USH2A: variants seen among roughly 807,000 people sequenced by gnomAD.
USH2A encodes the protein Usher syndrome 2A (autosomal recessive, mild).
Under a neutral mutation model 538.9 loss-of-function variants are expected in USH2A, and 443 were observed. The ratio of observed to expected loss-of-function variants is 0.82; its 90% CI spans 0.76 to 0.89. The LOEUF (loss-of-function observed/expected upper bound fraction) is 0.89, where lower values mean the gene tolerates loss of function less well. Among genes scored for constraint, USH2A ranks in the 40% least tolerant of loss-of-function variants. The pLI is 0.00. For missense variants in USH2A, 6,633 were observed against 6,324.8 expected, an observed-to-expected ratio of 1.05 and a Z score of -1.65; for synonymous variants, 2,413 against 2,273.5, an observed-to-expected ratio of 1.06 and a Z score of -1.75.
At chr1:216,143,867 G>A (rs1413803265) in intron 21 of USH2A, among the ~76,000 whole-genome samples, 1 of 152,116 alleles carries the variant, frequency 6.6e-6, no homozygotes, top group East Asian at 1.9e-4. Flanking sequence ...GACATGGCAA[G>A]GTCAGTGACT....
intron 32 of USH2A, among the ~76,000 whole-genome samples, chr1:216,011,516 T>C (rs902658246): frequency 1.3e-5 from 2 of 152,038 alleles, no homozygotes; most frequent in African/African-American, 2.4e-5. Context: ...AAAACAACAA[T>C]TCCTTTCCTT....
At chr1:215,969,555 T>C (rs991038862) in intron 36 of USH2A, among the ~76,000 whole-genome samples, 3 of 152,018 alleles carry the variant, frequency 2.0e-5, no homozygotes, top group Non-Finnish European at 2.9e-5. Flanking sequence ...TTTCTTTTTT[T>C]TTTTTTGAAT....
intron 46 of USH2A, among the ~76,000 whole-genome samples, chr1:215,839,264 T>C (rs1388920290): frequency 1.1e-4 from 17 of 152,214 alleles, no homozygotes; most frequent in Admixed American, 1.1e-3. Context: ...ACTTTATACA[T>C]ATTGGAAAAA....
Position 215,773,480 on chromosome 1 carries a change from C to T in USH2A, c.10939+6363G>A, listed in dbSNP as rs541736977. On this transcript the variant is annotated intron_variant, in intron 55 of 71. Transcript: ENST00000307340. Reference sequence around the variant, plus strand: ...CTGCCTCCCCACTTTACGGATGTCTCTCTGTCTCTCTGTCTCTCTCTCTCT... The same window carrying T: ...CTGCCTCCCCACTTTACGGATGTCTTTCTGTCTCTCTGTCTCTCTCTCTCT... Among the ~76,000 whole-genome samples the T allele has an allele frequency of 1.6e-3, 190 of 120,546 alleles. 3 individuals are homozygous for T. The highest frequency in any genetic ancestry group is 7.9e-3 in the African/African-American group (187 of 23,628). The allele number at this position is 120,546 out of a possible 152,430, so 79.1% of individuals were successfully genotyped here.
intron 34 of USH2A, 110 bp downstream of exon 34, chr1:215,998,777 A>T: frequency 1.6e-6 from 2 of 1,242,584 alleles, no homozygotes; most frequent in Non-Finnish European, 2.3e-6. Context: ...CAATACATGA[A>T]GATTTTGACT....
Position 215,964,759 on chromosome 1 carries a change from A to T in USH2A, c.7120+558T>A, listed in dbSNP as rs550437768. 3.2e-4 allele frequency among the ~76,000 whole-genome samples: 49 copies of T among 152,252 alleles called. 1 individual carries two copies. The South Asian group carries it at 0.01, about 32-fold the overall frequency. ...AAACATCATGCTACCATAGCACCTAACTTATTGAATCAGATAGTTTTTGAA... is the reference window on the plus strand; with the variant it reads ...AAACATCATGCTACCATAGCACCTATCTTATTGAATCAGATAGTTTTTGAA... On this transcript the variant is annotated intron_variant, in intron 37 of 71. Transcript: ENST00000307340.
intron 22 of USH2A, among the ~76,000 whole-genome samples, chr1:216,095,408 A>G (rs1393352159): frequency 6.6e-6 from 1 of 152,184 alleles, no homozygotes; most frequent in Non-Finnish European, 1.5e-5. Context: ...TAATTGAATC[A>G]ACTTCAGCTG....
At chr1:215,752,012 G>C (rs1660635742) in intron 58 of USH2A, among the ~76,000 whole-genome samples, 1 of 152,064 alleles carries the variant, frequency 6.6e-6, no homozygotes, top group Non-Finnish European at 1.5e-5. Context: ...CATAAGACAA[G>C]ATGCAGTCTT....
At chr1:216,053,000 C>T (rs930888549) in intron 30 of USH2A, among the ~76,000 whole-genome samples, 9 of 152,040 alleles carry the variant, frequency 5.9e-5, no homozygotes, top group African/African-American at 2.2e-4. Context: ...ATATCATCAT[C>T]AAAAAGCATT....
rs1471030252 is a variant in USH2A at position 215,759,716 on chromosome 1, G to C, written c.11175C>G (p.Phe3725Leu). The change falls in exon 57 of 72, where the codon TTC becomes TTG. Residue 3725 changes from phenylalanine to leucine, a missense_variant. Transcript: ENST00000307340. ...YQLSRNGNLL[F>L]LGGSEEQNFT... Reference sequence around the variant, plus strand: ...AATTCTGCTCCTCACTGCCACCCAGGAAAAGCAAGTTTCCATTACGACTCA... The same window carrying C: ...AATTCTGCTCCTCACTGCCACCCAGCAAAAGCAAGTTTCCATTACGACTCA... 6.2e-7 allele frequency: 1 copy of C among 1,614,012 alleles called. No homozygotes were observed. Among genetic ancestry groups the C allele is most frequent in the Non-Finnish European group, 8.5e-7 (1 of 1,179,946 alleles).
At chr1:215,838,135 A>C (rs763208763) in intron 46 of USH2A, 32 bp from the exon 47 acceptor site, 5 of 1,549,798 alleles carry the variant, frequency 3.2e-6, no homozygotes, top group Middle Eastern at 1.7e-4. Flanking sequence ...AAATAAATGC[A>C]ACCATTTTTG....
intron 21 of USH2A, among the ~76,000 whole-genome samples, chr1:216,120,908 A>G (rs2033124814): frequency 1.3e-5 from 2 of 151,866 alleles, no homozygotes. Flanking sequence ...ATTACATGAG[A>G]CAGCAAGAAC....
At chr1:216,230,453 C>T (rs116417643) in intron 14 of USH2A, among the ~76,000 whole-genome samples, 1,932 of 151,808 alleles carry the variant, frequency 0.013, 35 homozygotes, top group Non-Finnish European at 0.017. Flanking sequence ...AGAAGTAGAG[C>T]GTCACAGATT....
At chr1:215,883,058 T>C (rs1469902200) in intron 41 of USH2A, among the ~76,000 whole-genome samples, 1 of 152,170 alleles carries the variant, frequency 6.6e-6, no homozygotes, top group Non-Finnish European at 1.5e-5. Flanking sequence ...CTCCACAAAC[T>C]CTTGAAATTA....
chr1:216,219,310 A>G (rs571425891), intron 14 of USH2A, among the ~76,000 whole-genome samples: 1 of 152,194 alleles, frequency 6.6e-6, no homozygotes, highest in East Asian at 1.9e-4. Context: ...GTAAGAGAGA[A>G]TTTTTCCTAA....
At chr1:215,736,250 C>T (rs1320541066) in intron 60 of USH2A, among the ~76,000 whole-genome samples, 1 of 152,082 alleles carries the variant, frequency 6.6e-6, no homozygotes, top group African/African-American at 2.4e-5. Flanking sequence ...GCAATGACTC[C>T]AGATAAACCT....
chr1:216,046,144 G>A (rs1182162332), intron 32 of USH2A, among the ~76,000 whole-genome samples: 6 of 151,222 alleles, frequency 4.0e-5, no homozygotes, highest in African/African-American at 7.3e-5. Flanking sequence ...ACAATGTGGT[G>A]TATTATTTGC....
At chr1:216,025,877 A>G (rs867071529) in intron 32 of USH2A, among the ~76,000 whole-genome samples, 10 of 152,094 alleles carry the variant, frequency 6.6e-5, no homozygotes, top group South Asian at 2.1e-4. Flanking sequence ...AAGTGGCAGA[A>G]AGTGACTTTC....
chr1:216,194,867 C>A (rs2034802848), intron 19 of USH2A, among the ~76,000 whole-genome samples: 1 of 152,020 alleles, frequency 6.6e-6, no homozygotes, highest in Non-Finnish European at 1.5e-5. Context: ...GGCTCTGCAC[C>A]AGGTCCAGCC....
Sources: allele counts gnomAD v4.1 joint callset (sites outside exome capture counted in the v4.1 genomes callset), GRCh38; gene constraint gnomAD v4.1.1; transcripts MANE v1.5; gene names NCBI Gene and HGNC (gene_info 2026-07-23, HGNC 2026-07-21).